The following L3HYPDH variants were observed in gnomAD, a reference collection of about 807,000 sequenced individuals.
L3HYPDH encodes the protein trans-3-hydroxy-L-proline dehydratase.
A neutral mutation model predicts 26.5 loss-of-function variants in L3HYPDH; 32 were observed. The observed-to-expected ratio is 1.21, with a 90% CI of 0.91 to 1.62. L3HYPDH has a LOEUF of 1.62. Ranked by LOEUF, L3HYPDH falls within the 40% of genes most tolerant of loss-of-function variation. The pLI, the probability that L3HYPDH is intolerant of heterozygous loss-of-function variation, is 0.00. For missense variants in L3HYPDH, 554 were observed against 476.4 expected (o/e 1.16, Z -1.52); for synonymous variants, 215 against 196.6 (o/e 1.09, Z -0.78).
At chr14:59,498,754 A>G in the L3HYPDH span, 2 of 1,582,006 alleles carry the variant, frequency 1.3e-6, no homozygotes, top group East Asian at 2.2e-5. Context: ...TCTATTACGC[A>G]TTCTGCTTGG....
At chr14:59,477,122 A>G (rs1270529352) in intron 2 of L3HYPDH, among the ~76,000 whole-genome samples, 1 of 152,196 alleles carries the variant, frequency 6.6e-6, no homozygotes, top group Non-Finnish European at 1.5e-5. Flanking sequence ...ATCCTCTTAA[A>G]GTGATACGCC....
rs1179159885 is a variant in L3HYPDH at position 59,481,474 on chromosome 14, A to C, written c.509-2123T>G. Among the ~76,000 whole-genome samples, 2 of 152,220 alleles carry C rather than the reference A, an allele frequency of 1.3e-5. 1 individual carries two copies. The highest frequency in any genetic ancestry group is 2.9e-5 in the Non-Finnish European group (2 of 68,038). ...CCAGGACCAGGTGACTCCAAAGCCC[A>C]AACCCTTTCTACTAAAATATACAAC... On this transcript the variant is annotated intron_variant, in intron 1 of 4. Coordinates refer to ENST00000247194, the MANE Select transcript of L3HYPDH (RefSeq NM_144581.2).
chr14:59,496,106 A>G, the L3HYPDH span, among the ~76,000 whole-genome samples: 1 of 152,126 alleles, frequency 6.6e-6, no homozygotes, highest in Non-Finnish European at 1.5e-5. Context: ...GGGTTTTGCC[A>G]TGTTGGCCAG....
upstream of L3HYPDH, among the ~76,000 whole-genome samples, chr14:59,489,224 G>A (rs527610398): frequency 1.3e-5 from 2 of 152,234 alleles, no homozygotes; most frequent in South Asian, 2.1e-4. Flanking sequence ...TCATTCCTTT[G>A]CTCCCACATC....
At chr14:59,495,342 C>T in the L3HYPDH span, 10 of 687,564 alleles carry the variant, frequency 1.5e-5, no homozygotes, top group African/African-American at 1.3e-4. Flanking sequence ...GGTCTGCCAG[C>T]GGCTTTATTA....
the L3HYPDH span, among the ~76,000 whole-genome samples, chr14:59,497,651 T>C: frequency 3.9e-5 from 6 of 152,280 alleles, no homozygotes; most frequent in East Asian, 1.2e-3. Context: ...TTAGAGCTCT[T>C]AAGGAACTAC....
chr14:59,484,191 C>T lies in L3HYPDH; in HGVS notation c.126G>A (p.Val42=), dbSNP rs1470091055. ...GCTTGGCCAGCAGGGTGGGCCCAGA[C>T]ACCTCCGGACACCCCGCCAGCACGA... ...LRIVLAGCPE[V]SGPTLLAKRR... is the part of the protein sequence containing the mutation. The change falls in exon 1 of 5, where the codon GTG becomes GTA. Residue 42 remains valine, a synonymous_variant. Transcript: ENST00000247194. 1 of 1,598,906 alleles carries T rather than the reference C, an allele frequency of 6.3e-7. No homozygotes were observed. The highest frequency in any genetic ancestry group is 1.3e-5 in the African/African-American group (1 of 74,930).
At chr14:59,477,124 T>TG (rs1207673196) in intron 2 of L3HYPDH, among the ~76,000 whole-genome samples, 16 of 152,324 alleles carry the variant, frequency 1.1e-4, no homozygotes, top group Admixed American at 7.2e-4. Context: ...CCTCTTAAAG[T>TG]GATACGCCCC....
At chr14:59,493,542 A>G in the L3HYPDH span, among the ~76,000 whole-genome samples, 1 of 152,260 alleles carries the variant, frequency 6.6e-6, no homozygotes, top group Non-Finnish European at 1.5e-5. Flanking sequence ...TAATGGAAAC[A>G]GTGTTCAAGT....
At position 59,484,004 on chromosome 14, in the gene L3HYPDH, C is replaced by T; in HGVS notation, c.313G>A (p.Gly105Ser). 6.3e-7 allele frequency: 1 copy of T among 1,598,112 alleles called. No homozygotes were observed. Among genetic ancestry groups the T allele is most frequent in the South Asian group, 1.1e-5 (1 of 89,964 alleles). The change falls in exon 1 of 5, where the codon GGC becomes AGC. Residue 105 changes from glycine (G) to serine (S), a missense_variant. By Grantham distance (56) the Gly-to-Ser change is moderately conservative. Coordinates refer to ENST00000247194, the MANE Select transcript of L3HYPDH (RefSeq NM_144581.2). ...LHNEGYSSMC[G>S]HAVLALGRFA... is the part of the protein sequence containing the mutation. ...CGGCCCAGCGCCAGCACTGCGTGGC[C>T]GCACATGGAGCTGTAGCCCTCGTTG...
Position 59,472,940 on chromosome 14 carries a change from A to C in L3HYPDH, c.*25T>G, listed in dbSNP as rs1277985336. 6.4e-7 allele frequency: 1 copy of C among 1,560,496 alleles called. No individual in the cohort carries two copies. Among genetic ancestry groups the C allele is most frequent in the Non-Finnish European group, 8.6e-7 (1 of 1,161,778 alleles). ...TAAGGATAATGATTACTTTAAAAAGAAAGCCCTTAAAATCATGGAAGAAGT... is the reference window on the plus strand; with the variant it reads ...TAAGGATAATGATTACTTTAAAAAGCAAGCCCTTAAAATCATGGAAGAAGT... On this transcript the variant is annotated 3_prime_UTR_variant, in exon 5 of 5. Coordinates refer to ENST00000247194, the MANE Select transcript of L3HYPDH (RefSeq NM_144581.2).
chr14:59,481,612 T>C (rs1476224615), intron 1 of L3HYPDH, among the ~76,000 whole-genome samples: 2 of 152,246 alleles, frequency 1.3e-5, no homozygotes, highest in African/African-American at 2.4e-5. Context: ...GCACCTACTA[T>C]GTGCCGATTA....
intron 4 of L3HYPDH, among the ~76,000 whole-genome samples, chr14:59,473,394 G>A (rs562246356): frequency 6.6e-6 from 1 of 152,306 alleles, no homozygotes; most frequent in African/African-American, 2.4e-5. Flanking sequence ...AGATGGAGAA[G>A]GGGAATATAT....
chr14:59,497,068 G>T, the L3HYPDH span, among the ~76,000 whole-genome samples: 2 of 149,268 alleles, frequency 1.3e-5, no homozygotes, highest in Admixed American at 1.3e-4. Context: ...TGGAACACTA[G>T]TGCATTGACA....
At chr14:59,479,691 A>G (rs1274856034) in intron 1 of L3HYPDH, among the ~76,000 whole-genome samples, 2 of 152,236 alleles carry the variant, frequency 1.3e-5, no homozygotes, top group Non-Finnish European at 2.9e-5. Flanking sequence ...TGTGAACACT[A>G]AGAAGGAAAA....
At chr14:59,477,573 T>C (rs8012531) in intron 2 of L3HYPDH, among the ~76,000 whole-genome samples, 37,472 of 152,112 alleles carry the variant, frequency 0.25, 4,822 homozygotes, top group South Asian at 0.4. Context: ...CTTGAATTCA[T>C]GAAAAATTAG....
At chr14:59,499,814 G>A in the L3HYPDH span, among the ~76,000 whole-genome samples, 1 of 152,098 alleles carries the variant, frequency 6.6e-6, no homozygotes, top group Non-Finnish European at 1.5e-5. Flanking sequence ...CAGATGAACT[G>A]TTTCATTTGG....
In L3HYPDH at chr14:59,484,356, G is replaced by T; in HGVS notation, c.-40C>A. ...GAGACGAGTACGGTCCCGCAGCTAT[G>T]GCTTCAAGCCCGACCCTCACCCACT... On this transcript the variant is annotated 5_prime_UTR_variant, in exon 1 of 5. Transcript: ENST00000247194. 3 of 1,544,758 alleles carry T rather than the reference G, an allele frequency of 1.9e-6. No homozygotes were observed. The highest frequency in any genetic ancestry group is 2.6e-6 in the Non-Finnish European group (3 of 1,148,728).
At chr14:59,485,376 T>G, upstream of L3HYPDH, 1 of 368,430 alleles carries the variant, frequency 2.7e-6, no homozygotes, top group Non-Finnish European at 4.8e-6. Context: ...GCCAGTGGGT[T>G]TAAAAAGCTA....
Sources: gnomAD v4.1 joint callset for allele counts (sites outside exome capture counted in the v4.1 genomes callset) on GRCh38, gnomAD v4.1.1 for gene constraint, MANE v1.5 for transcripts, NCBI Gene and HGNC (gene_info 2026-07-23, HGNC 2026-07-21) for gene names.